The following ASB7 variants were observed in gnomAD, a reference collection of about 807,000 sequenced individuals.
ASB7 encodes ankyrin repeat and SOCS box containing 7.
A neutral mutation model predicts 32.5 loss-of-function variants in ASB7; 4 were observed. That is an observed-to-expected ratio of 0.12 (90% CI 0.06 to 0.28). The LOEUF is 0.28. Among genes scored for constraint, ASB7 ranks in the 10% least tolerant of loss-of-function variants. The pLI, the probability that ASB7 is intolerant of heterozygous loss-of-function variation, is 1.00. For synonymous variants in ASB7, 172 were observed against 155.6 expected (o/e 1.11, Z -0.78); for missense variants, 181 against 407.1 (o/e 0.44, Z 4.78).
At chr15:100,603,165 C>G (rs546031508) in intron 1 of ASB7, 50 bp from the exon 2 acceptor site, 4 of 393,924 alleles carry the variant, frequency 1.0e-5, no homozygotes, top group African/African-American at 4.2e-5. Flanking sequence ...TGAGCTCCCC[C>G]CTCCCCACCT....
At chr15:100,626,618 T>C (rs1398376197) in intron 4 of ASB7, among the ~76,000 whole-genome samples, 4 of 152,248 alleles carry the variant, frequency 2.6e-5, no homozygotes, top group Non-Finnish European at 4.4e-5. Flanking sequence ...TGTCCCCCTC[T>C]CCTTCTCTCT....
intron 4 of ASB7, among the ~76,000 whole-genome samples, chr15:100,619,351 C>T (rs1400068697): frequency 6.6e-6 from 1 of 152,174 alleles, no homozygotes; most frequent in Non-Finnish European, 1.5e-5. Flanking sequence ...GGTGTCAAAA[C>T]CTTTGACAGA....
intron 2 of ASB7, among the ~76,000 whole-genome samples, chr15:100,603,590 C>T (rs2039595250): frequency 6.6e-6 from 1 of 152,194 alleles, no homozygotes; most frequent in Admixed American, 6.5e-5. Flanking sequence ...TTACTCTGCT[C>T]TGAGGCTTTG....
intron 2 of ASB7, among the ~76,000 whole-genome samples, chr15:100,608,950 G>A (rs543704395): frequency 1.2e-4 from 19 of 152,296 alleles, no homozygotes; most frequent in South Asian, 4.1e-4. Context: ...CTCACCCACC[G>A]TCAGGGGATG....
At chr15:100,619,963 G>A (rs1410678702) in intron 4 of ASB7, among the ~76,000 whole-genome samples, 1 of 152,222 alleles carries the variant, frequency 6.6e-6, no homozygotes, top group Non-Finnish European at 1.5e-5. Flanking sequence ...CATAGCAGGT[G>A]TGGTTATTTA....
At position 100,612,288 on chromosome 15, in the gene ASB7, T is replaced by C. The variant is rs1192592389; in HGVS notation, c.72T>C (p.Ala24=). The C allele has an allele frequency of 1.9e-6, 3 of 1,613,996 alleles. No homozygotes were observed. The highest frequency in any genetic ancestry group is 2.5e-6 in the Non-Finnish European group (3 of 1,179,996). The change falls in exon 4 of 6, where the codon GCT becomes GCC. Residue 24 remains alanine (A), a synonymous_variant. Transcript: ENST00000332783. ...EELQIQAAVA[A]GDVHTVRKML... Reference sequence around the variant, plus strand: ...TGCAGATTCAGGCCGCGGTGGCTGCTGGGGATGTCCACACAGTGCGAAAGA... The same window carrying C: ...TGCAGATTCAGGCCGCGGTGGCTGCCGGGGATGTCCACACAGTGCGAAAGA...
intron 4 of ASB7, among the ~76,000 whole-genome samples, chr15:100,618,028 C>T (rs537400119): frequency 1.3e-5 from 2 of 152,372 alleles, no homozygotes; most frequent in African/African-American, 2.4e-5. Flanking sequence ...AGTCATAGCT[C>T]ATCACAGCCT....
intron 2 of ASB7, among the ~76,000 whole-genome samples, chr15:100,608,822 G>C (rs1040309695): frequency 2.0e-5 from 3 of 152,196 alleles, no homozygotes; most frequent in African/African-American, 7.2e-5. Flanking sequence ...AGAGAGAAGT[G>C]GACTATACCA....
At chr15:100,643,477 C>CTTCTTTTT (rs1567118835) in intron 5 of ASB7, among the ~76,000 whole-genome samples, 1 of 104,380 alleles carries the variant, frequency 9.6e-6, no homozygotes, top group Non-Finnish European at 1.9e-5. Context: ...GTCCCTTCTT[C>CTTCTTTTT]TTTTTTTTTT....
In ASB7 at chr15:100,650,138, T is replaced by A. The variant is rs756507597; in HGVS notation, c.*1676T>A. ...AGGATTATTCGGGAGATTGCTGGTG[T>A]GGCCCATAGACTCTTTGGCATAGAC... is the stretch of plus-strand genomic sequence containing the variant. On this transcript the variant is annotated 3_prime_UTR_variant, in exon 6 of 6. Coordinates refer to ENST00000332783, the MANE Select transcript of ASB7 (RefSeq NM_198243.3). 15 of 152,412 alleles carry A rather than the reference T, an allele frequency of 9.8e-5. No individual in the cohort carries two copies. The highest frequency in any genetic ancestry group is 2.0e-4 in the Admixed American group (3 of 15,310). 9.4% of individuals were successfully genotyped at this position (152,412 alleles called of 1,614,324 possible).
intron 2 of ASB7, among the ~76,000 whole-genome samples, chr15:100,604,404 T>A (rs965888579): frequency 1.6e-4 from 24 of 152,210 alleles, no homozygotes; most frequent in Non-Finnish European, 5.9e-5. Context: ...TAAAGTGACT[T>A]GTTAATCTGA....
chr15:100,604,922 G>A (rs2039629169), intron 2 of ASB7, among the ~76,000 whole-genome samples: 1 of 152,178 alleles, frequency 6.6e-6, no homozygotes, highest in Non-Finnish European at 1.5e-5. Context: ...GAAGTACTGT[G>A]TTTTGTATTC....
chr15:100,604,076 C>T (rs979447648), intron 2 of ASB7, among the ~76,000 whole-genome samples: 4 of 152,168 alleles, frequency 2.6e-5, no homozygotes, highest in African/African-American at 9.7e-5. Flanking sequence ...TCTTATTAAT[C>T]GTTTGACTCA....
intron 3 of ASB7, among the ~76,000 whole-genome samples, chr15:100,610,125 C>T (rs1446660528): frequency 6.6e-6 from 1 of 152,150 alleles, no homozygotes; most frequent in African/African-American, 2.4e-5. Flanking sequence ...AAGCAAAAAC[C>T]TATTCTGAAA....
At chr15:100,637,056 G>A (rs887404699) in intron 5 of ASB7, among the ~76,000 whole-genome samples, 3 of 152,146 alleles carry the variant, frequency 2.0e-5, no homozygotes, top group African/African-American at 2.4e-5. Context: ...GTGATGAGGC[G>A]GTAAAATTAA....
At chr15:100,632,121 C>G (rs555236512) in intron 5 of ASB7, among the ~76,000 whole-genome samples, 2 of 152,216 alleles carry the variant, frequency 1.3e-5, no homozygotes, top group African/African-American at 4.8e-5. Context: ...GTTAAAGACT[C>G]ACATGCACTT....
intron 5 of ASB7, among the ~76,000 whole-genome samples, chr15:100,643,693 C>T (rs1421430286): frequency 6.6e-6 from 1 of 150,924 alleles, no homozygotes; most frequent in East Asian, 2.0e-4. Context: ...CGGGGTTTCA[C>T]CATGTTGGCC....
intron 2 of ASB7, among the ~76,000 whole-genome samples, chr15:100,607,107 C>T (rs1434949867): frequency 6.6e-6 from 1 of 151,348 alleles, no homozygotes; most frequent in Non-Finnish European, 1.5e-5. Context: ...GAGCCGAGAT[C>T]GCACCACTGC....
intron 4 of ASB7, among the ~76,000 whole-genome samples, chr15:100,614,362 T>G (rs1020332611): frequency 2.0e-5 from 3 of 152,166 alleles, no homozygotes; most frequent in African/African-American, 7.2e-5. Flanking sequence ...TAATACTGAC[T>G]GTATAATTCT....
Sources: gnomAD v4.1 joint callset for allele counts (sites outside exome capture counted in the v4.1 genomes callset) on GRCh38, gnomAD v4.1.1 for gene constraint, MANE v1.5 for transcripts, NCBI Gene and HGNC (gene_info 2026-07-23, HGNC 2026-07-21) for gene names.